SNAP91: variants seen among roughly 807,000 people sequenced by gnomAD.
SNAP91 encodes the protein clathrin coat assembly protein AP180.
A neutral mutation model predicts 100.3 loss-of-function variants in SNAP91; 27 were observed. That is an observed-to-expected ratio of 0.27 (90% CI 0.20 to 0.37). The LOEUF is 0.37. SNAP91 is among the 10% of genes least tolerant of loss of function. The probability of loss-of-function intolerance (pLI) is 1.00; values close to 1 mark genes in which losing one functional copy is unlikely to be tolerated. For missense variants in SNAP91, 986 were observed against 1,123.7 expected (o/e 0.88, Z 1.75); for synonymous variants, 404 against 398.6 (o/e 1.01, Z -0.16).
chr6:83,609,845 G>A (rs1024943948), intron 12 of SNAP91, among the ~76,000 whole-genome samples: 1 of 152,014 alleles, frequency 6.6e-6, no homozygotes, highest in African/African-American at 2.4e-5. Context: ...TACCTCATAC[G>A]ACTCTGATTT....
At chr6:83,658,613 T>C (rs1562539146) in intron 6 of SNAP91, among the ~76,000 whole-genome samples, 2 of 151,748 alleles carry the variant, frequency 1.3e-5, no homozygotes, top group African/African-American at 2.4e-5. Context: ...CTCAAAAAAA[T>C]AAATAAATAA....
intron 2 of SNAP91, among the ~76,000 whole-genome samples, chr6:83,676,762 A>G (rs1177257166): frequency 1.3e-5 from 2 of 152,192 alleles, no homozygotes; most frequent in African/African-American, 4.8e-5. Context: ...TATGGTGGCT[A>G]TATGGAGCAA....
chr6:83,608,107 T>A (rs1248710494), intron 12 of SNAP91, among the ~76,000 whole-genome samples: 4 of 152,182 alleles, frequency 2.6e-5, no homozygotes, highest in South Asian at 2.1e-4. Flanking sequence ...TTCCTGAACA[T>A]AAAATTATTA....
At position 83,552,981 on chromosome 6, in the gene SNAP91, G is replaced by T. The variant is rs1773336568; in HGVS notation, c.*1315C>A. 6.6e-6 allele frequency: 1 copy of T among 152,554 alleles called. No individual in the cohort carries two copies. 9.5% of individuals were successfully genotyped at this position (152,554 alleles called of 1,614,324 possible). On this transcript the variant is annotated 3_prime_UTR_variant, in exon 30 of 30. Coordinates refer to ENST00000369694, the MANE Select transcript of SNAP91 (RefSeq NM_001242792.2). ...TACAAAGAAAGCCATTTTGAAATTG[G>T]TTTTAGGTAATTTTTCCCCATTACA...
At chr6:83,589,751 G>A (rs925538628) in intron 22 of SNAP91, among the ~76,000 whole-genome samples, 3 of 152,134 alleles carry the variant, frequency 2.0e-5, no homozygotes, top group Non-Finnish European at 2.9e-5. Flanking sequence ...GCTGGGCTAC[G>A]ACTACCTGCT....
intron 28 of SNAP91, 53 bp downstream of exon 28, chr6:83,560,051 G>T: frequency 7.0e-7 from 1 of 1,438,674 alleles, no homozygotes. Context: ...CTACACCAAT[G>T]TTTTACACTT....
chr6:83,616,783 G>A (rs764371955), intron 10 of SNAP91, among the ~76,000 whole-genome samples, 186 bp downstream of exon 10: 1 of 152,146 alleles, frequency 6.6e-6, no homozygotes, highest in Non-Finnish European at 1.5e-5. Context: ...TTAGCCTGCA[G>A]AGAGATTGTC....
At chr6:83,598,803 G>A (rs2094817639) in intron 16 of SNAP91, among the ~76,000 whole-genome samples, 1 of 151,896 alleles carries the variant, frequency 6.6e-6, no homozygotes, top group African/African-American at 2.4e-5. Flanking sequence ...AACCAATGAA[G>A]GCATGAAAGA....
intron 22 of SNAP91, among the ~76,000 whole-genome samples, chr6:83,588,299 A>C (rs922443833): frequency 2.0e-5 from 3 of 152,230 alleles, no homozygotes; most frequent in Non-Finnish European, 4.4e-5. Context: ...AAAAGAGAGA[A>C]ATAAGAAAGT....
chr6:83,568,973 G>A (rs746612552), intron 26 of SNAP91, among the ~76,000 whole-genome samples: 3 of 152,154 alleles, frequency 2.0e-5, no homozygotes, highest in African/African-American at 7.2e-5. Flanking sequence ...TGGGGAGGCA[G>A]GGTGTAAAGG....
intron 26 of SNAP91, among the ~76,000 whole-genome samples, chr6:83,573,725 A>G (rs1056803863): frequency 7.0e-4 from 107 of 152,030 alleles, no homozygotes; most frequent in Non-Finnish European, 1.3e-3. Flanking sequence ...TTAATAAATG[A>G]TGCTGGGAAA....
chr6:83,596,772 T>A (rs111745706), intron 16 of SNAP91, among the ~76,000 whole-genome samples: 117,221 of 151,614 alleles, frequency 0.77, 45,742 homozygotes, highest in East Asian at 0.88. Context: ...ATTTTTTTTT[T>A]AAAAAGTCTG....
intron 9 of SNAP91, among the ~76,000 whole-genome samples, chr6:83,622,072 T>A (rs1048070598): frequency 1.3e-5 from 2 of 152,210 alleles, no homozygotes; most frequent in African/African-American, 4.8e-5. Flanking sequence ...CACACTTAAT[T>A]TTTTGGCCAT....
Position 83,614,867 on chromosome 6 carries a change from A to C in SNAP91, c.879-5T>G, listed in dbSNP as rs769985058. The C allele has an allele frequency of 3.8e-6, 6 of 1,592,300 alleles. No homozygotes were observed. The South Asian group carries it at 5.6e-5, about 15-fold the overall frequency. ...CCATACAGTACTCACCCTTCACTTA[A>C]GTTCCAAGGTAAGCACAAACATACA... On this transcript the variant is annotated splice_region_variant and splice_polypyrimidine_tract_variant and intron_variant, in intron 10 of 29. Coordinates refer to ENST00000369694, the MANE Select transcript of SNAP91 (RefSeq NM_001242792.2).
chr6:83,651,619 T>C (rs1281705887), intron 7 of SNAP91, among the ~76,000 whole-genome samples: 7 of 152,200 alleles, frequency 4.6e-5, no homozygotes, highest in Non-Finnish European at 1.0e-4. Context: ...GTATGATTCC[T>C]ATTATTTTAA....
chr6:83,685,618 C>T (rs369576261), intron 2 of SNAP91, among the ~76,000 whole-genome samples: 63 of 152,242 alleles, frequency 4.1e-4, no homozygotes, highest in African/African-American at 1.5e-3. Context: ...GTGGTATGAA[C>T]TTCTTCATGT....
Position 83,594,287 on chromosome 6 carries a change from A to T in SNAP91, c.1432+87T>A, listed in dbSNP as rs2094202265. The T allele has an allele frequency of 3.9e-6, 4 of 1,015,372 alleles. No homozygotes were observed. In the Admixed American group the frequency reaches 6.6e-5, roughly 17 times the overall value. The allele number at this position is 1,015,372 out of a possible 1,614,324, so 62.9% of individuals were successfully genotyped here. A position where few individuals can be genotyped will look rare whatever the true frequency, so the allele number is the denominator to read the frequency against. On this transcript the variant is annotated intron_variant, in intron 17 of 29. Transcript: ENST00000369694. ...TACTTTACACTCAGAAGAAAGTAAAATTAGAAAAACATATGGCCTCTTCTA... is the reference window on the plus strand; with the variant it reads ...TACTTTACACTCAGAAGAAAGTAAATTTAGAAAAACATATGGCCTCTTCTA...
intron 2 of SNAP91, among the ~76,000 whole-genome samples, chr6:83,697,989 G>A (rs2099242412): frequency 6.6e-6 from 1 of 152,056 alleles, no homozygotes; most frequent in South Asian, 2.1e-4. Context: ...AGAAACAAAT[G>A]CACAGGGGGC....
chr6:83,637,423 C>T (rs2097504497), intron 8 of SNAP91, among the ~76,000 whole-genome samples: 1 of 152,106 alleles, frequency 6.6e-6, no homozygotes, highest in Non-Finnish European at 1.5e-5. Context: ...GGTGAAGAAT[C>T]CCTGGGCAGG....
Sources: gnomAD v4.1 joint callset for allele counts (sites outside exome capture counted in the v4.1 genomes callset) on GRCh38, gnomAD v4.1.1 for gene constraint, MANE v1.5 for transcripts, NCBI Gene and HGNC (gene_info 2026-07-23, HGNC 2026-07-21) for gene names.